Variants in STYXL2 observed in about 807,000 individuals in gnomAD.
The protein encoded by STYXL2 is serine/threonine/tyrosine interacting like 2, also known as serine/threonine/tyrosine-interacting-like protein 2.
STYXL2 carries 44 observed loss-of-function variants against 52.4 expected under a neutral mutation model. The observed-to-expected ratio is 0.84, with a 90% CI of 0.66 to 1.08. The LOEUF (loss-of-function observed/expected upper bound fraction) is 1.08, where lower values mean the gene tolerates loss of function less well. STYXL2 is among the 50% of genes least tolerant of loss of function. STYXL2 has a pLI of 0.00. For synonymous variants in STYXL2, 604 were observed against 586.9 expected, an observed-to-expected ratio of 1.03 and a Z score of -0.42; for missense variants, 1,604 against 1,471.7, an observed-to-expected ratio of 1.09 and a Z score of -1.47.
Position 167,126,077 on chromosome 1 carries a change from G to A in STYXL2, c.946G>A (p.Glu316Lys), listed in dbSNP as rs751138468. ...CAGAGTGCACGCCCTGACGGTGGAA[G>A]AGGAGGACGACAGCGCCAGCCACCT... ...GARVHALTVE[E>K]EDDSASHLSG... The change falls in exon 6 of 6, where the codon GAG becomes AAG. Residue 316 changes from glutamate to lysine, a missense_variant. Physicochemically the swap from Glu to Lys is moderately conservative, Grantham distance 56. Transcript: ENST00000361200. The A allele has an allele frequency of 1.3e-6, 2 of 1,539,432 alleles. No homozygotes were observed. The highest frequency in any genetic ancestry group is 1.7e-6 in the Non-Finnish European group (2 of 1,144,360).
chr1:167,111,509 TATATAC>T (rs1401413688), intron 2 of STYXL2, among the ~76,000 whole-genome samples: 61 of 48,392 alleles, frequency 1.3e-3, no homozygotes, highest in African/African-American at 7.3e-3. Flanking sequence ...TATATATATA[TATATAC>T]ACACACACAC....
intron 2 of STYXL2, among the ~76,000 whole-genome samples, chr1:167,110,679 C>T (rs1667599277): frequency 6.6e-6 from 1 of 152,202 alleles, no homozygotes; most frequent in African/African-American, 2.4e-5. Context: ...CATTTTTCCA[C>T]CTTGGTGATT....
At chr1:167,097,697 AAAAG>A (rs1474793012) in intron 2 of STYXL2, among the ~76,000 whole-genome samples, 1 of 152,080 alleles carries the variant, frequency 6.6e-6, no homozygotes, top group East Asian at 1.9e-4. Flanking sequence ...GGTTAAAAAA[AAAAG>A]AAAGAAAAAG....
In STYXL2 at chr1:167,126,698, G is replaced by T. The variant is rs960856072; in HGVS notation, c.1567G>T (p.Val523Leu). Residue 523 changes from valine (V) to leucine (L), a missense_variant, in exon 6 of 6, where the codon GTG becomes TTG. Physicochemically the swap from Val to Leu is conservative, Grantham distance 32. Transcript: ENST00000361200. ...GGTGCGGGAGGATGATGAGGACAGCGTGGGCTCTGAGGCCAGTTCCTTCTA... is the reference window on the plus strand; with the variant it reads ...GGTGCGGGAGGATGATGAGGACAGCTTGGGCTCTGAGGCCAGTTCCTTCTA... ...SRVREDDEDSVGSEASSFYNF... is the reference protein window; with the variant it reads ...SRVREDDEDSLGSEASSFYNF... The T allele has an allele frequency of 1.9e-6, 3 of 1,614,188 alleles. No individual in the cohort carries two copies. Among genetic ancestry groups the T allele is most frequent in the Non-Finnish European group, 2.5e-6 (3 of 1,180,028 alleles).
At chr1:167,117,693 C>A in intron 4 of STYXL2, 134 bp downstream of exon 4, 1 of 742,006 alleles carries the variant, frequency 1.3e-6, no homozygotes, top group Non-Finnish European at 2.2e-6. Context: ...AGCCACTTAC[C>A]CTGCCCCAGC....
chr1:167,126,457 C>A lies in STYXL2; in HGVS notation c.1326C>A (p.Ser442Arg). ...RTLSESSAWESVSSHDIWVLK... is the reference protein window; with the variant it reads ...RTLSESSAWERVSSHDIWVLK... ...TGAGCGAGAGCAGCGCCTGGGAGAGCGTGAGCAGCCACGACATCTGGGTCC... is the reference window on the plus strand; with the variant it reads ...TGAGCGAGAGCAGCGCCTGGGAGAGAGTGAGCAGCCACGACATCTGGGTCC... The change falls in exon 6 of 6, where the codon AGC becomes AGA. Residue 442 changes from serine (S) to arginine (R), a missense_variant. Coordinates refer to ENST00000361200, the MANE Select transcript of STYXL2 (RefSeq NM_001080426.3). The A allele has an allele frequency of 8.2e-6, 13 of 1,588,184 alleles. No homozygotes were observed. Among genetic ancestry groups the A allele is most frequent in the Non-Finnish European group, 1.1e-5 (13 of 1,167,714 alleles).
chr1:167,095,235 A>G lies in STYXL2; in HGVS notation c.110+276A>G, dbSNP rs1256922541. Among the ~76,000 whole-genome samples the G allele has an allele frequency of 2.7e-5, 4 of 150,494 alleles. No individual in the cohort carries two copies. The Admixed American group carries it at 2.7e-4, about 10-fold the overall frequency. On this transcript the variant is annotated intron_variant, in intron 2 of 5. Coordinates refer to ENST00000361200, the MANE Select transcript of STYXL2 (RefSeq NM_001080426.3). ...AGGGAACAACTGGACTTGGAAGGTC[A>G]TAGGAGGCTTGGCTGGAAGAGATGA...
intron 2 of STYXL2, among the ~76,000 whole-genome samples, chr1:167,102,169 G>A (rs988361837): frequency 2.0e-5 from 3 of 151,996 alleles, no homozygotes; most frequent in African/African-American, 7.3e-5. Flanking sequence ...GGGTGAGAGG[G>A]AGGGCTTAAA....
intron 5 of STYXL2, among the ~76,000 whole-genome samples, chr1:167,121,057 T>G (rs1667847339): frequency 6.7e-6 from 1 of 150,308 alleles, no homozygotes; most frequent in Non-Finnish European, 1.5e-5. Context: ...TGTCGCCCAG[T>G]CTAGAGTGCA....
chr1:167,125,963 T>C lies in STYXL2; in HGVS notation c.832T>C (p.Leu278=), dbSNP rs759714641. 11 of 1,613,004 alleles carry C rather than the reference T, an allele frequency of 6.8e-6. No individual in the cohort carries two copies. The highest frequency in any genetic ancestry group is 2.2e-5 in the East Asian group (1 of 44,770). Residue 278 remains leucine, a synonymous_variant, in exon 6 of 6, where the codon TTG becomes CTG. Transcript: ENST00000361200. ...GCAGCTGCGGGAGCTCAATGAGAAG[T>C]TGATGGAGGAGAGAGAAGAGGACTA... ...LKQLRELNEK[L]MEEREEDYGR...
At chr1:167,124,922 T>G (rs1667929846) in intron 5 of STYXL2, among the ~76,000 whole-genome samples, 1 of 148,600 alleles carries the variant, frequency 6.7e-6, no homozygotes, top group Non-Finnish European at 1.5e-5. Context: ...TGAAATATCT[T>G]GCTCCATCCT....
chr1:167,113,629 A>G, intron 2 of STYXL2, 81 bp from the exon 3 acceptor site: 1 of 1,128,370 alleles, frequency 8.9e-7, no homozygotes, highest in Non-Finnish European at 1.3e-6. Flanking sequence ...TGCTAAAATC[A>G]AAGCCAGGTT....
chr1:167,116,874 T>G (rs1667735648), intron 3 of STYXL2, among the ~76,000 whole-genome samples: 1 of 152,170 alleles, frequency 6.6e-6, no homozygotes, highest in Admixed American at 6.5e-5. Flanking sequence ...GGTCTTGAAC[T>G]GCTGACCTCA....
chr1:167,102,487 G>A (rs1057341711), intron 2 of STYXL2, among the ~76,000 whole-genome samples: 3 of 152,032 alleles, frequency 2.0e-5, no homozygotes, highest in Non-Finnish European at 2.9e-5. Context: ...TTTTACCCAG[G>A]AGTAGAGAAT....
Position 167,126,380 on chromosome 1 carries a change from AAGG to A in STYXL2, c.1258_1260del (p.Glu420del), listed in dbSNP as rs769769327. 5 of 1,550,456 alleles carry A rather than the reference AAGG, an allele frequency of 3.2e-6. No individual in the cohort carries two copies. Among genetic ancestry groups the A allele is most frequent in the Non-Finnish European group, 4.4e-6 (5 of 1,146,948 alleles). On this transcript the variant is annotated inframe_deletion, in exon 6 of 6. Transcript: ENST00000361200. ...CCGGAGGTGGGGAAGGGAGGAGGAG[AAGG>A]AGGAGGAGAGCGACGCTGGCTCCTC...
At chr1:167,099,350 C>G (rs1667355788) in intron 2 of STYXL2, among the ~76,000 whole-genome samples, 1 of 151,984 alleles carries the variant, frequency 6.6e-6, no homozygotes, top group African/African-American at 2.4e-5. Context: ...ATAAAATTAA[C>G]CTAATGAGCA....
intron 5 of STYXL2, among the ~76,000 whole-genome samples, chr1:167,119,800 A>G (rs1019453266): frequency 2.0e-5 from 3 of 152,188 alleles, no homozygotes; most frequent in Admixed American, 1.3e-4. Flanking sequence ...GACTAACTAG[A>G]ACAATGTGCT....
Position 167,128,879 on chromosome 1 carries a change from C to A in STYXL2, c.*271C>A. 1 of 444,322 alleles carries A rather than the reference C, an allele frequency of 2.3e-6. No homozygotes were observed. Among genetic ancestry groups the A allele is most frequent in the Non-Finnish European group, 4.0e-6 (1 of 249,472 alleles). The allele number at this position is 444,322 out of a possible 1,614,324, so 27.5% of individuals were successfully genotyped here. On this transcript the variant is annotated 3_prime_UTR_variant, in exon 6 of 6. Coordinates refer to ENST00000361200, the MANE Select transcript of STYXL2 (RefSeq NM_001080426.3). The stretch of plus-strand genomic sequence containing the variant: ...CAGCGCCCTCTAAGCTTTGGTGTTT[C>A]ACTTAATGTATTTGGCAGTGTTCAT...
At chr1:167,094,745 A>T in intron 1 of STYXL2, 89 bp from the exon 2 acceptor site, 1 of 869,054 alleles carries the variant, frequency 1.2e-6, no homozygotes, top group Non-Finnish European at 1.9e-6. Context: ...TCCTAGTTCC[A>T]CTGAGGTGAC....
Sources: gnomAD v4.1 joint callset for allele counts (sites outside exome capture counted in the v4.1 genomes callset) on GRCh38, gnomAD v4.1.1 for gene constraint, MANE v1.5 for transcripts, NCBI Gene and HGNC (gene_info 2026-07-23, HGNC 2026-07-21) for gene names.